NRG3: variants seen among roughly 807,000 people sequenced by gnomAD.
The protein encoded by NRG3 is neuregulin 3, also known as pro-neuregulin-3, membrane-bound isoform.
Under a neutral mutation model 66.9 loss-of-function variants are expected in NRG3, and 31 were observed. The ratio of observed to expected loss-of-function variants is 0.46; its 90% CI spans 0.35 to 0.63. The LOEUF (loss-of-function observed/expected upper bound fraction) is 0.63, where lower values mean the gene tolerates loss of function less well. NRG3 is among the 20% of genes least tolerant of loss of function. NRG3 has a pLI of 0.00. For missense variants in NRG3, 910 were observed against 878.9 expected (o/e 1.04, Z -0.45); for synonymous variants, 393 against 359.4 (o/e 1.09, Z -1.06).
In NRG3 at chr10:82,347,853, G is replaced by A. The variant is rs945972066; in HGVS notation, c.824-10886G>A. 1.0e-3 allele frequency among the ~76,000 whole-genome samples: 154 copies of A among 151,910 alleles called. 1 individual carries two copies. Among genetic ancestry groups the A allele is most frequent in the South Asian group, 1.0e-3 (5 of 4,802 alleles). On this transcript the variant is annotated intron_variant, in intron 1 of 8. Coordinates refer to ENST00000372141, the MANE Select transcript of NRG3 (RefSeq NM_001010848.4). ...TCTTTGTCTCTTTTGATCTTTGCTG[G>A]TTTAAAGTCTGTTTTATCAGAGACT...
chr10:81,933,703 T>C (rs1269119244), intron 1 of NRG3, among the ~76,000 whole-genome samples: 2 of 152,276 alleles, frequency 1.3e-5, no homozygotes, highest in East Asian at 1.9e-4. Context: ...GTTTTCCTGA[T>C]TGGTACAAGA....
intron 4 of NRG3, 123 bp downstream of exon 4, chr10:82,865,560 A>G: frequency 1.1e-6 from 1 of 947,330 alleles, no homozygotes. Context: ...TATTAGTAGG[A>G]AAAAATACTC....
intron 1 of NRG3, among the ~76,000 whole-genome samples, chr10:82,153,373 CAG>C (rs1454942410): frequency 3.3e-5 from 5 of 150,934 alleles, no homozygotes; most frequent in African/African-American, 1.2e-4. Flanking sequence ...TCACAAATGA[CAG>C]AATTTCTTTT....
intron 1 of NRG3, among the ~76,000 whole-genome samples, chr10:81,925,822 G>A (rs1846725165): frequency 6.6e-6 from 1 of 151,966 alleles, no homozygotes; most frequent in Non-Finnish European, 1.5e-5. Flanking sequence ...TTGAAGAAAG[G>A]AACTTTGATT....
At chr10:82,236,985 G>C (rs889403371) in intron 1 of NRG3, among the ~76,000 whole-genome samples, 5 of 152,062 alleles carry the variant, frequency 3.3e-5, no homozygotes, top group Admixed American at 3.3e-4. Context: ...AAAGTACTGG[G>C]ATTACAGGTG....
At chr10:82,966,586 A>G (rs982480697) in intron 6 of NRG3, among the ~76,000 whole-genome samples, 1 of 152,236 alleles carries the variant, frequency 6.6e-6, no homozygotes, top group Non-Finnish European at 1.5e-5. Flanking sequence ...CTCCTTTTGC[A>G]TAGAATACTC....
At chr10:82,943,521 C>T (rs551676536) in intron 4 of NRG3, among the ~76,000 whole-genome samples, 2 of 152,314 alleles carry the variant, frequency 1.3e-5, no homozygotes, top group African/African-American at 4.8e-5. Context: ...GTCCAAAGGC[C>T]AGGGAACCTG....
chr10:82,148,030 G>A (rs2070390903), intron 1 of NRG3, among the ~76,000 whole-genome samples: 1 of 152,180 alleles, frequency 6.6e-6, no homozygotes, highest in African/African-American at 2.4e-5. Flanking sequence ...TATTTTTCCA[G>A]GGTGTTCATT....
intron 1 of NRG3, among the ~76,000 whole-genome samples, chr10:82,290,514 A>G (rs1564754157): frequency 6.6e-6 from 1 of 152,156 alleles, no homozygotes; most frequent in Non-Finnish European, 1.5e-5. Flanking sequence ...ACCCTAAATA[A>G]AGCTGAAAAG....
intron 2 of NRG3, among the ~76,000 whole-genome samples, chr10:82,364,425 A>G (rs551372398): frequency 2.0e-5 from 3 of 152,252 alleles, no homozygotes; most frequent in Admixed American, 6.5e-5. Context: ...ATAAGTCAGC[A>G]GAAACACTTT....
intron 1 of NRG3, among the ~76,000 whole-genome samples, chr10:82,013,080 T>TA (rs1023488984): frequency 3.3e-5 from 5 of 152,182 alleles, no homozygotes; most frequent in Admixed American, 3.3e-4. Context: ...ATGCTACTAA[T>TA]AAAGACTTAA....
intron 1 of NRG3, among the ~76,000 whole-genome samples, chr10:82,135,992 T>C (rs1590243610): frequency 6.6e-6 from 1 of 152,248 alleles, no homozygotes; most frequent in South Asian, 2.1e-4. Context: ...GGAAAGGCTT[T>C]TCATGTATTC....
intron 1 of NRG3, among the ~76,000 whole-genome samples, chr10:82,040,746 C>A (rs1188008616): frequency 6.6e-6 from 1 of 152,010 alleles, no homozygotes; most frequent in African/African-American, 2.4e-5. Context: ...AGTCCATATT[C>A]TGTCCACTAC....
chr10:82,851,313 G>A (rs1431911249), intron 3 of NRG3, among the ~76,000 whole-genome samples: 3 of 152,112 alleles, frequency 2.0e-5, no homozygotes, highest in Non-Finnish European at 2.9e-5. Context: ...TGGAGGACAC[G>A]GAGCTTGGGG....
At chr10:82,782,231 A>T (rs2060145809) in intron 3 of NRG3, among the ~76,000 whole-genome samples, 1 of 152,164 alleles carries the variant, frequency 6.6e-6, no homozygotes, top group Non-Finnish European at 1.5e-5. Context: ...CAAATAGATT[A>T]ATGCAGTTAT....
At chr10:82,206,476 A>G (rs992345321) in intron 1 of NRG3, among the ~76,000 whole-genome samples, 1 of 152,162 alleles carries the variant, frequency 6.6e-6, no homozygotes, top group African/African-American at 2.4e-5. Context: ...CTGATCCTCA[A>G]GCAGCCTGCC....
intron 1 of NRG3, among the ~76,000 whole-genome samples, chr10:82,072,423 A>G (rs1564790471): frequency 6.6e-6 from 1 of 152,222 alleles, no homozygotes; most frequent in Non-Finnish European, 1.5e-5. Context: ...CCGCATATTT[A>G]CTGTTGAATA....
intron 3 of NRG3, among the ~76,000 whole-genome samples, chr10:82,821,430 T>TCTTTA (rs1287560805): frequency 1.3e-5 from 2 of 151,778 alleles, no homozygotes; most frequent in African/African-American, 4.8e-5. Flanking sequence ...TCCTAAATTA[T>TCTTTA]GAATCTTTGT....
chr10:81,877,787 A>G, intron 1 of NRG3: 4 of 1,370,710 alleles, frequency 2.9e-6, no homozygotes, highest in African/African-American at 1.5e-5. Context: ...CATTTTTGAG[A>G]GCACATTTTC....
Sources: allele counts gnomAD v4.1 joint callset (sites outside exome capture counted in the v4.1 genomes callset), GRCh38; gene constraint gnomAD v4.1.1; transcripts MANE v1.5; gene names NCBI Gene and HGNC (gene_info 2026-07-23, HGNC 2026-07-21).